The following NKAIN2 variants were observed in gnomAD, a reference collection of about 807,000 sequenced individuals.
NKAIN2 encodes the protein sodium/potassium-transporting ATPase subunit beta-1-interacting protein 2.
In NKAIN2, 14 loss-of-function variants were observed where a neutral mutation model predicts 32.6. The ratio of observed to expected loss-of-function variants is 0.43; its 90% CI spans 0.28 to 0.67. The LOEUF (loss-of-function observed/expected upper bound fraction) is 0.67, where lower values mean the gene tolerates loss of function less well. NKAIN2 is among the 30% of genes least tolerant of loss of function. The pLI, the probability that NKAIN2 is intolerant of heterozygous loss-of-function variation, is 0.17. For missense variants in NKAIN2, 198 were observed against 258.3 expected (o/e 0.77, Z 1.60); for synonymous variants, 80 against 87.2 (o/e 0.92, Z 0.46).
chr6:123,879,956 C>T lies in NKAIN2; in HGVS notation c.54+75702C>T, dbSNP rs375879118. On this transcript the variant is annotated intron_variant, in intron 1 of 6. Transcript: ENST00000368417. The stretch of plus-strand genomic sequence containing the variant: ...CCTGAGCTCATGTTCTCCCTGGTGT[C>T]TTGGGGGAAGCCCAGGCTGGGGAGT... Among the ~76,000 whole-genome samples the T allele has an allele frequency of 7.2e-5, 11 of 152,140 alleles. No homozygotes were observed. The East Asian group carries it at 1.9e-3, about 27-fold the overall frequency.
chr6:124,156,897 G>C (rs1214870979), intron 1 of NKAIN2, among the ~76,000 whole-genome samples: 1 of 151,816 alleles, frequency 6.6e-6, no homozygotes, highest in East Asian at 1.9e-4. Context: ...GAGGTCAGGA[G>C]TTCCAGACCA....
intron 4 of NKAIN2, among the ~76,000 whole-genome samples, chr6:124,727,030 A>G (rs1250306548): frequency 1.3e-5 from 2 of 151,828 alleles, no homozygotes; most frequent in Admixed American, 6.6e-5. Flanking sequence ...AGAAATGAGC[A>G]AAGCCTCCAA....
chr6:124,357,169 C>T (rs1799022692), intron 3 of NKAIN2, among the ~76,000 whole-genome samples: 1 of 152,036 alleles, frequency 6.6e-6, no homozygotes, highest in Admixed American at 6.6e-5. Flanking sequence ...TTCTTCTCAT[C>T]CTATAAACCA....
intron 5 of NKAIN2, among the ~76,000 whole-genome samples, chr6:124,808,066 C>T (rs1322632190): frequency 1.3e-5 from 2 of 151,570 alleles, no homozygotes; most frequent in African/African-American, 4.8e-5. Flanking sequence ...CAAGGAGGAA[C>T]TGGTACCATT....
chr6:124,336,599 G>C lies in NKAIN2; in HGVS notation c.193-18668G>C, dbSNP rs144105335. Reference sequence around the variant, plus strand: ...TATATGAGAAATTTTTTTAAACATAGTATTTAAACCACGTGTAATTTAGTA... The same window carrying C: ...TATATGAGAAATTTTTTTAAACATACTATTTAAACCACGTGTAATTTAGTA... On this transcript the variant is annotated intron_variant, in intron 2 of 6. Coordinates refer to ENST00000368417, the MANE Select transcript of NKAIN2 (RefSeq NM_001040214.3). 1.4e-3 allele frequency among the ~76,000 whole-genome samples: 214 copies of C among 151,426 alleles called. 2 individuals carry two copies. Among genetic ancestry groups the C allele is most frequent in the African/African-American group, 5.0e-3 (207 of 41,298 alleles).
At chr6:124,030,109 G>C (rs146544870) in intron 1 of NKAIN2, among the ~76,000 whole-genome samples, 264 of 152,196 alleles carry the variant, frequency 1.7e-3, no homozygotes, top group African/African-American at 5.9e-3. Flanking sequence ...CTAATGACCT[G>C]TCACTGTCTC....
intron 3 of NKAIN2, among the ~76,000 whole-genome samples, chr6:124,423,958 T>C (rs1188398032): frequency 6.6e-6 from 1 of 152,224 alleles, no homozygotes; most frequent in Non-Finnish European, 1.5e-5. Context: ...AGGCAGTATG[T>C]AATACATATT....
At chr6:124,423,461 T>C (rs1774845241) in intron 3 of NKAIN2, among the ~76,000 whole-genome samples, 1 of 152,232 alleles carries the variant, frequency 6.6e-6, no homozygotes. Context: ...CACATATTTA[T>C]GTTTCTAGCC....
chr6:124,616,429 T>TTTTC (rs1562285878), intron 3 of NKAIN2, among the ~76,000 whole-genome samples: 24 of 143,372 alleles, frequency 1.7e-4, no homozygotes, highest in Admixed American at 5.0e-4. Flanking sequence ...TTTCTTTTTC[T>TTTTC]TTTCTTTCTT....
intron 3 of NKAIN2, among the ~76,000 whole-genome samples, chr6:124,471,769 CATATG>C (rs1776984483): frequency 6.6e-6 from 1 of 152,052 alleles, no homozygotes; most frequent in Non-Finnish European, 1.5e-5. Context: ...TAGATAAACT[CATATG>C]TATGTTTTCT....
At chr6:123,828,335 G>A (rs1774236777) in intron 1 of NKAIN2, among the ~76,000 whole-genome samples, 2 of 152,098 alleles carry the variant, frequency 1.3e-5, no homozygotes, top group Non-Finnish European at 2.9e-5. Flanking sequence ...AAGATCTCCA[G>A]CAACACTGTG....
In NKAIN2 at chr6:124,468,301, A is replaced by G. The variant is rs115901835; in HGVS notation, c.273+112954A>G. 3.4e-3 allele frequency among the ~76,000 whole-genome samples: 521 copies of G among 152,304 alleles called. 3 individuals carry two copies. The highest frequency in any genetic ancestry group is 0.011 in the African/African-American group (445 of 41,570). On this transcript the variant is annotated intron_variant, in intron 3 of 6. Coordinates refer to ENST00000368417, the MANE Select transcript of NKAIN2 (RefSeq NM_001040214.3). ...ATAGCCCAGGTCCGTTAAAATGTCA[A>G]TGTCAACCAAAGAAAATGTAAGAAT...
chr6:124,331,429 C>T (rs923762205), intron 2 of NKAIN2, among the ~76,000 whole-genome samples: 7 of 142,496 alleles, frequency 4.9e-5, no homozygotes, highest in African/African-American at 8.0e-5. Context: ...CACGGGAGGC[C>T]GAGGCAGGAG....
intron 2 of NKAIN2, among the ~76,000 whole-genome samples, chr6:124,328,163 G>A (rs1462282417): frequency 1.3e-5 from 2 of 152,064 alleles, no homozygotes; most frequent in African/African-American, 4.8e-5. Flanking sequence ...GTAACAGCCT[G>A]GATGTACTAT....
chr6:123,872,026 C>T (rs1354166104), intron 1 of NKAIN2, among the ~76,000 whole-genome samples: 1 of 152,130 alleles, frequency 6.6e-6, no homozygotes, highest in Non-Finnish European at 1.5e-5. Flanking sequence ...TCCTTTTAAG[C>T]TGATCATTTT....
chr6:124,789,954 C>CA (rs1027928991), intron 4 of NKAIN2, among the ~76,000 whole-genome samples: 14 of 151,900 alleles, frequency 9.2e-5, no homozygotes. Context: ...GTAGAGAGGG[C>CA]AGGGGGTACG....
chr6:123,914,967 T>C (rs1775414824), intron 1 of NKAIN2, among the ~76,000 whole-genome samples: 1 of 152,148 alleles, frequency 6.6e-6, no homozygotes, highest in Non-Finnish European at 1.5e-5. Context: ...CAAGCCCACC[T>C]CACATTTACT....
chr6:124,082,981 C>T (rs1046852151), intron 1 of NKAIN2, among the ~76,000 whole-genome samples: 1 of 151,884 alleles, frequency 6.6e-6, no homozygotes, highest in African/African-American at 2.4e-5. Context: ...TACGTAACAA[C>T]TATTATATCT....
intron 2 of NKAIN2, among the ~76,000 whole-genome samples, chr6:124,354,470 G>T (rs1251713828): frequency 6.6e-6 from 1 of 152,154 alleles, no homozygotes; most frequent in Admixed American, 6.5e-5. Flanking sequence ...ACACTAGTTA[G>T]ATGGTCACTG....
Sources: gnomAD v4.1 joint callset for allele counts (sites outside exome capture counted in the v4.1 genomes callset) on GRCh38, gnomAD v4.1.1 for gene constraint, MANE v1.5 for transcripts, NCBI Gene and HGNC (gene_info 2026-07-23, HGNC 2026-07-21) for gene names.